ADAM30: variants seen among roughly 807,000 people sequenced by gnomAD.
ADAM30 encodes the protein ADAM metallopeptidase domain 30.
For missense variants in ADAM30, 960 were observed against 959.4 expected (o/e 1.00, Z -0.01); for synonymous variants, 382 against 340.9 (o/e 1.12, Z -1.33).
chr1:119,895,751 GA>G lies in ADAM30; in HGVS notation c.585del (p.Pro196LeufsTer12). On this transcript the variant is annotated frameshift_variant, in exon 1 of 1. Transcript: ENST00000369400. LOFTEE classifies it low-confidence loss of function (END_TRUNC). ...TACTTTGGGTGTTTATAGGATCCAG[GA>G]AAGTCCCTTAGCCTCGCCTTATTCT... ...PYENKARLRDFPGSYKHPKYL... is the reference protein window; with the variant it reads ...PYENKARLRDXPGSYKHPKYL... The G allele has an allele frequency of 6.2e-7, 1 of 1,614,060 alleles. No individual in the cohort carries two copies. Among genetic ancestry groups the G allele is most frequent in the Non-Finnish European group, 8.5e-7 (1 of 1,180,006 alleles).
In ADAM30 at chr1:119,894,899, C is replaced by T. The variant is rs1199846716; in HGVS notation, c.1438G>A (p.Asp480Asn). Residue 480 changes from aspartate (D) to asparagine (N), a missense_variant, in exon 1 of 1, where the codon GAC (aspartate) becomes AAC (asparagine). Asp to Asn is a conservative substitution (Grantham distance 23). Transcript: ENST00000369400. ...CDGNSSSCPN[D>N]VYKQDGTPCK... The stretch of plus-strand genomic sequence containing the variant: ...GGGGTTCCATCCTGCTTATAAACGT[C>T]ATTTGGGCAGGAACTTGAATTCCCG... 1 of 1,614,048 alleles carries T rather than the reference C, an allele frequency of 6.2e-7. No homozygotes were observed. Among genetic ancestry groups the T allele is most frequent in the Non-Finnish European group, 8.5e-7 (1 of 1,180,034 alleles).
At position 119,896,002 on chromosome 1, in the gene ADAM30, T is replaced by A; in HGVS notation, c.335A>T (p.Tyr112Phe). 1 of 1,614,158 alleles carries A rather than the reference T, an allele frequency of 6.2e-7. No homozygotes were observed. Among genetic ancestry groups the A allele is most frequent in the Non-Finnish European group, 8.5e-7 (1 of 1,180,034 alleles). ...DHPYIPKDCNYMGSVKESLDS... is the reference protein window; with the variant it reads ...DHPYIPKDCNFMGSVKESLDS... ...CAGAGACTCTTTCACGGAGCCCATG[T>A]AGTTGCAGTCCTTTGGTATGTAAGG... The change falls in exon 1 of 1, where the codon TAC becomes TTC. Residue 112 changes from tyrosine (Y) to phenylalanine (F), a missense_variant. Coordinates refer to ENST00000369400, the MANE Select transcript of ADAM30 (RefSeq NM_021794.4).
chr1:119,893,834 T>C lies in ADAM30; in HGVS notation c.*130A>G. The stretch of plus-strand genomic sequence containing the variant: ...GTTTCCAAAACAAGAATGCTGTTTA[T>C]TTGCTGATCAAAACTTGTGGGAAAA... On this transcript the variant is annotated 3_prime_UTR_variant, in exon 1 of 1. Transcript: ENST00000369400. The C allele has an allele frequency of 6.7e-7, 1 of 1,494,544 alleles. No individual in the cohort carries two copies. The allele number at this position is 1,494,544 out of a possible 1,614,324, so 92.6% of individuals were successfully genotyped here.
Position 119,896,465 on chromosome 1 carries a change from G to A in ADAM30, c.-129C>T. 1 of 1,400,614 alleles carries A rather than the reference G, an allele frequency of 7.1e-7. No homozygotes were observed. The highest frequency in any genetic ancestry group is 9.3e-7 in the Non-Finnish European group (1 of 1,072,712). 86.8% of individuals were successfully genotyped at this position (1,400,614 alleles called of 1,614,324 possible). A position where few individuals can be genotyped will look rare whatever the true frequency, so the allele number is the denominator to read the frequency against. On this transcript the variant is annotated 5_prime_UTR_variant, in exon 1 of 1. Coordinates refer to ENST00000369400, the MANE Select transcript of ADAM30 (RefSeq NM_021794.4). ...CCCGGCTCCCCTGGCAGGGTTTCCGGGGGAGCCCGTAGCCTCCCAGGGCTC... is the reference window on the plus strand; with the variant it reads ...CCCGGCTCCCCTGGCAGGGTTTCCGAGGGAGCCCGTAGCCTCCCAGGGCTC...
In ADAM30 at chr1:119,896,294, G is replaced by A. The variant is rs1276029798; in HGVS notation, c.43C>T (p.Leu15Phe). The A allele has an allele frequency of 6.2e-7, 1 of 1,605,444 alleles. No individual in the cohort carries two copies. The highest frequency in any genetic ancestry group is 1.1e-5 in the South Asian group (1 of 89,240). Residue 15 changes from leucine (L) to phenylalanine (F), a missense_variant, in exon 1 of 1, where the codon CTT (leucine) becomes TTT (phenylalanine). By Grantham distance (22) the Leu-to-Phe change is conservative (BLOSUM62 0). Coordinates refer to ENST00000369400, the MANE Select transcript of ADAM30 (RefSeq NM_021794.4). ...AGGAGCATTGTCGGAACTAGTAGAA[G>A]GAGCAAACGGCATTGGGAGAGGAAG... ...QIFLSQCRLL[L>F]LLVPTMLLKS...
chr1:119,895,975 T>C lies in ADAM30; in HGVS notation c.362A>G (p.Asp121Gly). Reference protein sequence around the residue: ...NYMGSVKESLDSKATISTCMG... With the variant: ...NYMGSVKESLGSKATISTCMG... ...GCATGTGCTTATAGTAGCTTTAGAG[T>C]CCAGAGACTCTTTCACGGAGCCCAT... is the stretch of plus-strand genomic sequence containing the variant. The change falls in exon 1 of 1, where the codon GAC becomes GGC. Residue 121 changes from aspartate (D) to glycine (G), a missense_variant. By Grantham distance (94) the Asp-to-Gly change is moderately conservative (BLOSUM62 -1). Transcript: ENST00000369400. The C allele has an allele frequency of 6.2e-7, 1 of 1,614,048 alleles. No homozygotes were observed. The highest frequency in any genetic ancestry group is 8.5e-7 in the Non-Finnish European group (1 of 1,180,002).
In ADAM30 at chr1:119,896,511, T is replaced by C. The variant is rs765892551; in HGVS notation, c.-175A>G. On this transcript the variant is annotated 5_prime_UTR_variant, in exon 1 of 1. Transcript: ENST00000369400. The stretch of plus-strand genomic sequence containing the variant: ...GGCTCGGTCTAGCTGGCGTCCGCAA[T>C]GCGCGCGTGACCTGTCCAACGCATC... The C allele has an allele frequency of 1.0e-6, 1 of 986,678 alleles. No individual in the cohort carries two copies. Among genetic ancestry groups the C allele is most frequent in the South Asian group, 2.1e-5 (1 of 47,440 alleles). The allele number at this position is 986,678 out of a possible 1,614,324, so 61.1% of individuals were successfully genotyped here. A position where few individuals can be genotyped will look rare whatever the true frequency, so the allele number is the denominator to read the frequency against.
At position 119,896,365 on chromosome 1, in the gene ADAM30, C is replaced by T; in HGVS notation, c.-29G>A. The T allele has an allele frequency of 6.6e-7, 1 of 1,512,144 alleles. No individual in the cohort carries two copies. 93.7% of individuals were successfully genotyped at this position (1,512,144 alleles called of 1,614,324 possible). On this transcript the variant is annotated 5_prime_UTR_variant, in exon 1 of 1. Transcript: ENST00000369400. ...CTGTTCCCTACTCAGCCTCAGTTTG[C>T]TATTCAGTCCCTGCAACTCTGGCCT... is the stretch of plus-strand genomic sequence containing the variant.
In ADAM30 at chr1:119,895,502, A is replaced by G. The variant is rs376458594; in HGVS notation, c.835T>C (p.Tyr279His). The change falls in exon 1 of 1, where the codon TAT becomes CAT. Residue 279 changes from tyrosine (Y) to histidine (H), a missense_variant. Tyr to His is a moderately conservative substitution (Grantham distance 83). Transcript: ENST00000369400. ...CGAGCATTTAATACACTTTTTTTATATATTACAAATCTGCCTAAAACTTCA... is the reference window on the plus strand; with the variant it reads ...CGAGCATTTAATACACTTTTTTTATGTATTACAAATCTGCCTAAAACTTCA... Reference protein sequence around the residue: ...LAEVLGRFVIYKKSVLNARLS... With the variant: ...LAEVLGRFVIHKKSVLNARLS... 4 of 1,613,668 alleles carry G rather than the reference A, an allele frequency of 2.5e-6. No homozygotes were observed. The highest frequency in any genetic ancestry group is 3.3e-5 in the Admixed American group (2 of 60,000).
chr1:119,895,887 C>T lies in ADAM30; in HGVS notation c.450G>A (p.Lys150=). The part of the protein sequence containing the change: ...DAKHYQIEPL[K]ASPSFEHVVY... The stretch of plus-strand genomic sequence containing the variant: ...CGACATGTTCAAAACTGGGAGAGGC[C>T]TTGAGGGGCTCAATTTGGTAATGTT... Residue 150 remains lysine, a synonymous_variant, in exon 1 of 1, where the codon AAG becomes AAA. Transcript: ENST00000369400. 1.2e-6 allele frequency: 2 copies of T among 1,614,092 alleles called. No homozygotes were observed. Among genetic ancestry groups the T allele is most frequent in the Non-Finnish European group, 8.5e-7 (1 of 1,180,032 alleles).
rs780384742 is a variant in ADAM30 at position 119,894,385 on chromosome 1, T to C, written c.1952A>G (p.His651Arg). ...RGVCNNRKNC[H>R]CMYGWAPPFC... The stretch of plus-strand genomic sequence containing the variant: ...TGGAGGTGCCCACCCATACATGCAG[T>C]GGCAGTTTTTTCTGTTGTTGCAAAC... Residue 651 changes from histidine to arginine, a missense_variant, in exon 1 of 1, where the codon CAC becomes CGC. Physicochemically the swap from His to Arg is conservative, Grantham distance 29 (BLOSUM62 0). Coordinates refer to ENST00000369400, the MANE Select transcript of ADAM30 (RefSeq NM_021794.4). 2.5e-6 allele frequency: 4 copies of C among 1,614,230 alleles called. No individual in the cohort carries two copies. The highest frequency in any genetic ancestry group is 3.4e-6 in the Non-Finnish European group (4 of 1,180,032).
In ADAM30 at chr1:119,894,985, CGAAA is replaced by C. The variant is rs2101127509; in HGVS notation, c.1348_1351del (p.Phe450ValfsTer78). Reference sequence around the variant, plus strand: ...CTGCCTACACACGTATCCAGATGGACGAAACCGACAATCATGACAGCAAAGTCCA... The same window carrying C: ...CTGCCTACACACGTATCCAGATGGACCCGACAATCATGACAGCAAAGTCCA... On this transcript the variant is annotated frameshift_variant, in exon 1 of 1. Transcript: ENST00000369400. LOFTEE classifies it low-confidence loss of function (END_TRUNC). The C allele has an allele frequency of 6.2e-7, 1 of 1,614,164 alleles. No individual in the cohort carries two copies. The highest frequency in any genetic ancestry group is 8.5e-7 in the Non-Finnish European group (1 of 1,180,034).
At position 119,895,667 on chromosome 1, in the gene ADAM30, A is replaced by G. The variant is rs771687212; in HGVS notation, c.670T>C (p.Ser224Pro). ...SRYRFVNNNL[S>P]QVIHDAILLT... The stretch of plus-strand genomic sequence containing the variant: ...AGAATGGCATCATGTATGACTTGAG[A>G]AAGATTGTTGTTCACAAACCTATAC... Residue 224 changes from serine to proline, a missense_variant, in exon 1 of 1, where the codon TCT becomes CCT. Ser to Pro is a moderately conservative substitution (Grantham distance 74). Coordinates refer to ENST00000369400, the MANE Select transcript of ADAM30 (RefSeq NM_021794.4). The G allele has an allele frequency of 7.4e-6, 12 of 1,614,202 alleles. No homozygotes were observed. Among genetic ancestry groups the G allele is most frequent in the Non-Finnish European group, 9.3e-6 (11 of 1,180,050 alleles).
Position 119,896,477 on chromosome 1 carries a change from G to A in ADAM30, c.-141C>T, listed in dbSNP as rs1302936233. ...GGCAGGGTTTCCGGGGGAGCCCGTA[G>A]CCTCCCAGGGCTCGGTCTAGCTGGC... On this transcript the variant is annotated 5_prime_UTR_variant, in exon 1 of 1. Coordinates refer to ENST00000369400, the MANE Select transcript of ADAM30 (RefSeq NM_021794.4). 5.9e-5 allele frequency: 80 copies of A among 1,346,104 alleles called. 1 individual carries two copies. In the East Asian group the frequency reaches 2.1e-3, roughly 35 times the overall value. 83.4% of individuals were successfully genotyped at this position (1,346,104 alleles called of 1,614,324 possible).
Position 119,893,906 on chromosome 1 carries a change from A to G in ADAM30, c.*58T>C. 1 of 1,540,358 alleles carries G rather than the reference A, an allele frequency of 6.5e-7. No homozygotes were observed. The highest frequency in any genetic ancestry group is 8.7e-7 in the Non-Finnish European group (1 of 1,150,664). On this transcript the variant is annotated 3_prime_UTR_variant, in exon 1 of 1. Coordinates refer to ENST00000369400, the MANE Select transcript of ADAM30 (RefSeq NM_021794.4). Reference sequence around the variant, plus strand: ...GAGAAGAATGGAAAGCCTTTGGATAAATGATTAGCTGGTTAAATAAATGAG... The same window carrying G: ...GAGAAGAATGGAAAGCCTTTGGATAGATGATTAGCTGGTTAAATAAATGAG...
Position 119,894,738 on chromosome 1 carries a change from A to C in ADAM30, c.1599T>G (p.Phe533Leu). 6.2e-7 allele frequency: 1 copy of C among 1,614,216 alleles called. No individual in the cohort carries two copies. The highest frequency in any genetic ancestry group is 1.1e-5 in the South Asian group (1 of 91,074). The change falls in exon 1 of 1, where the codon TTT (phenylalanine) becomes TTG (leucine). Residue 533 changes from phenylalanine (F) to leucine (L), a missense_variant. Physicochemically the swap from Phe to Leu is conservative, Grantham distance 22. Coordinates refer to ENST00000369400, the MANE Select transcript of ADAM30 (RefSeq NM_021794.4). Reference sequence around the variant, plus strand: ...GAATTCCTGTAATCTCACAGTTACCAAATTGATCACCTATTAAGTTAACTG... The same window carrying C: ...GAATTCCTGTAATCTCACAGTTACCCAATTGATCACCTATTAAGTTAACTG... ...YDAVNLIGDQ[F>L]GNCEITGIRN...
At position 119,895,965 on chromosome 1, in the gene ADAM30, A is replaced by G. The variant is rs762167444; in HGVS notation, c.372T>C (p.Ala124=). The part of the protein sequence containing the change: ...GSVKESLDSK[A]TISTCMGGLR... ...GACCCCCCATGCATGTGCTTATAGT[A>G]GCTTTAGAGTCCAGAGACTCTTTCA... The change falls in exon 1 of 1, where the codon GCT becomes GCC. Residue 124 remains alanine (A), a synonymous_variant. Coordinates refer to ENST00000369400, the MANE Select transcript of ADAM30 (RefSeq NM_021794.4). 6.2e-7 allele frequency: 1 copy of G among 1,614,166 alleles called. No homozygotes were observed. Among genetic ancestry groups the G allele is most frequent in the Non-Finnish European group, 8.5e-7 (1 of 1,180,032 alleles).
In ADAM30 at chr1:119,893,947, G is replaced by A. The variant is rs1465450274; in HGVS notation, c.*17C>T. On this transcript the variant is annotated 3_prime_UTR_variant, in exon 1 of 1. Transcript: ENST00000369400. ...AATAAATGAGCCTGTGTTACTGAAT[G>A]AGTATGGATTGCCCGGTTACTTTTT... 1.9e-6 allele frequency: 3 copies of A among 1,593,298 alleles called. No homozygotes were observed. The highest frequency in any genetic ancestry group is 3.6e-5 in the Admixed American group (2 of 54,876).
rs923380347 is a variant in ADAM30 at position 119,894,389 on chromosome 1, A to G, written c.1948T>C (p.Cys650Arg). 1 of 1,614,162 alleles carries G rather than the reference A, an allele frequency of 6.2e-7. No homozygotes were observed. The highest frequency in any genetic ancestry group is 8.5e-7 in the Non-Finnish European group (1 of 1,180,028). ...TRGVCNNRKN[C>R]HCMYGWAPPF... ...GGTGCCCACCCATACATGCAGTGGC[A>G]GTTTTTTCTGTTGTTGCAAACACCC... is the stretch of plus-strand genomic sequence containing the variant. The change falls in exon 1 of 1, where the codon TGC (cysteine) becomes CGC (arginine). Residue 650 changes from cysteine (C) to arginine (R), a missense_variant. Transcript: ENST00000369400.
Sources: gnomAD v4.1 joint callset for allele counts on GRCh38, gnomAD v4.1.1 for gene constraint, MANE v1.5 for transcripts, NCBI Gene and HGNC (gene_info 2026-07-23, HGNC 2026-07-21) for gene names.